The following NEB variants were observed in gnomAD, a reference collection of about 807,000 sequenced individuals.
NEB encodes nemaline myopathy type 2.
Under a neutral mutation model 952.2 loss-of-function variants are expected in NEB, and 512 were observed. That is an observed-to-expected ratio of 0.54 (90% CI 0.50 to 0.58). The LOEUF (loss-of-function observed/expected upper bound fraction) is 0.58. Among genes scored for constraint, NEB ranks in the 20% least tolerant of loss-of-function variants. The pLI is 0.00. For synonymous variants in NEB, 2,900 were observed against 3,149.8 expected, an observed-to-expected ratio of 0.92 and a Z score of 2.66; for missense variants, 8,428 against 9,231.1, an observed-to-expected ratio of 0.91 and a Z score of 3.56.
chr2:151,557,478 A>G (rs1285640323), intron 124 of NEB, among the ~76,000 whole-genome samples: 2 of 152,226 alleles, frequency 1.3e-5, no homozygotes, highest in East Asian at 3.8e-4. Context: ...AAACTATTCC[A>G]AACAACAGAA....
At chr2:151,507,970 C>T (rs2153217101) in intron 162 of NEB, 35 bp downstream of exon 162, 6 of 1,489,384 alleles carry the variant, frequency 4.0e-6, no homozygotes, top group Non-Finnish European at 5.5e-6. Context: ...CCCTAGGTGC[C>T]TGTGGGCTGT....
intron 53 of NEB, 68 bp from the exon 54 acceptor site, chr2:151,650,447 T>C (rs2099018400): frequency 6.5e-7 from 1 of 1,544,982 alleles, no homozygotes; most frequent in Non-Finnish European, 8.9e-7. Context: ...AGTGATTCTA[T>C]GCATTACAAA....
rs1316065907 is a variant in NEB at position 151,630,945 on chromosome 2, C to T, written c.9619-126G>A. ...CCAGACTTGAATATAAAGTATTCTACTGGAAGTGTGAGTCTTATTACTAGT... is the reference window on the plus strand; with the variant it reads ...CCAGACTTGAATATAAAGTATTCTATTGGAAGTGTGAGTCTTATTACTAGT... On this transcript the variant is annotated intron_variant, in intron 66 of 181. Coordinates refer to ENST00000397345, the MANE Select transcript of NEB (RefSeq NM_001164508.2). 7 of 1,149,382 alleles carry T rather than the reference C, an allele frequency of 6.1e-6. No individual in the cohort carries two copies. The East Asian group carries it at 1.8e-4, about 29-fold the overall frequency. The allele number at this position is 1,149,382 out of a possible 1,614,324, so 71.2% of individuals were successfully genotyped here.
chr2:151,625,278 GTTGAC>G (rs1484121256), intron 71 of NEB, among the ~76,000 whole-genome samples: 1 of 152,102 alleles, frequency 6.6e-6, no homozygotes, highest in Non-Finnish European at 1.5e-5. Context: ...GTCATTAATA[GTTGAC>G]TTGAGATATT....
chr2:151,497,917 T>C, intron 170 of NEB, 199 bp from the exon 171 acceptor site: 3 of 1,470,536 alleles, frequency 2.0e-6, no homozygotes, highest in Non-Finnish European at 2.7e-6. Flanking sequence ...CTTCAGCTGC[T>C]GAGGAAGGGC....
At chr2:151,540,592 G>T in intron 137 of NEB, 105 bp downstream of exon 137, 2 of 1,157,524 alleles carry the variant, frequency 1.7e-6, no homozygotes, top group Non-Finnish European at 2.5e-6. Flanking sequence ...ATGATGCTGA[G>T]CACCATTTAT....
chr2:151,642,172 A>C (rs1204365467), intron 60 of NEB, among the ~76,000 whole-genome samples: 1 of 152,240 alleles, frequency 6.6e-6, no homozygotes, highest in African/African-American at 2.4e-5. Context: ...GGAATCGTTG[A>C]ACTTTGAGTA....
intron 172 of NEB, 41 bp from the exon 173 acceptor site, chr2:151,496,409 A>G: frequency 6.4e-7 from 1 of 1,567,954 alleles, no homozygotes; most frequent in Non-Finnish European, 8.7e-7. Flanking sequence ...ACCATGAGTA[A>G]CATTTCATTT....
chr2:151,549,858 C>T, intron 129 of NEB, 118 bp from the exon 130 acceptor site: 1 of 633,648 alleles, frequency 1.6e-6, no homozygotes, highest in Non-Finnish European at 2.9e-6. Context: ...TACACTTATG[C>T]TCACTGAATT....
At chr2:151,687,825 G>C (rs997996484) in intron 25 of NEB, 92 bp from the exon 26 acceptor site, 2 of 1,126,358 alleles carry the variant, frequency 1.8e-6, no homozygotes, top group Admixed American at 2.1e-5. Context: ...TGTATGTATA[G>C]ACTTATTTCT....
intron 135 of NEB, among the ~76,000 whole-genome samples, chr2:151,542,739 C>T (rs1021618555): frequency 7.2e-5 from 11 of 152,192 alleles, no homozygotes; most frequent in African/African-American, 2.2e-4. Flanking sequence ...GACCACCCCA[C>T]GTGAGTCACC....
chr2:151,710,944 GT>G (rs2099743279), intron 10 of NEB, among the ~76,000 whole-genome samples: 1 of 152,150 alleles, frequency 6.6e-6, no homozygotes, highest in African/African-American at 2.4e-5. Flanking sequence ...AACACTCCTA[GT>G]TTTCCAGAAA....
intron 77 of NEB, among the ~76,000 whole-genome samples, chr2:151,613,110 C>T (rs1160317242): frequency 3.3e-5 from 5 of 152,002 alleles, no homozygotes; most frequent in Non-Finnish European, 7.4e-5. Flanking sequence ...ACTGTCACTG[C>T]TTTTATCATT....
At chr2:151,670,266 C>T (rs1202172949) in intron 38 of NEB, among the ~76,000 whole-genome samples, 4 of 152,118 alleles carry the variant, frequency 2.6e-5, no homozygotes, top group African/African-American at 7.2e-5. Flanking sequence ...AAAGCATTTC[C>T]CCACCTTCCA....
At chr2:151,715,059 C>G (rs898514345) in intron 10 of NEB, among the ~76,000 whole-genome samples, 2 of 152,216 alleles carry the variant, frequency 1.3e-5, no homozygotes, top group Admixed American at 6.5e-5. Flanking sequence ...TGACCTTTTT[C>G]CACAGCCACC....
At chr2:151,495,002 A>AT (rs1191046185) in intron 173 of NEB, 1 of 152,248 alleles carries the variant, frequency 6.6e-6, no homozygotes, top group Non-Finnish European at 1.5e-5. Flanking sequence ...TCTCATAGAC[A>AT]TATCAGTAAA....
rs1238378621 is a variant in NEB, at chr2:151,669,089, T to C, written c.4549A>G (p.Thr1517Ala). The C allele has an allele frequency of 2.5e-6, 4 of 1,592,862 alleles. No individual in the cohort carries two copies. Among genetic ancestry groups the C allele is most frequent in the African/African-American group, 2.7e-5 (2 of 74,630 alleles). The change falls in exon 39 of 182, where the codon ACT (threonine) becomes GCT (alanine). Residue 1517 changes from threonine (T) to alanine (A), a missense_variant. By Grantham distance (58) the Thr-to-Ala change is moderately conservative. Transcript: ENST00000397345. ...AACTGAGGCAATTCAGGGTCAATAG[T>C]ATACTTGTGCTTCAGTTTCTCTCCC... Reference protein sequence around the residue: ...VEGEKLKHKYTIDPELPQFIQ... With the variant: ...VEGEKLKHKYAIDPELPQFIQ...
chr2:151,682,236 G>A (rs969314919), intron 29 of NEB, among the ~76,000 whole-genome samples: 7 of 152,044 alleles, frequency 4.6e-5, no homozygotes, highest in Non-Finnish European at 8.8e-5. Context: ...AAACTTTTTG[G>A]GGTATTGCAG....
intron 4 of NEB, among the ~76,000 whole-genome samples, chr2:151,728,530 T>C (rs767370726): frequency 2.0e-5 from 3 of 152,186 alleles, no homozygotes; most frequent in Non-Finnish European, 4.4e-5. Flanking sequence ...CACTAATAAA[T>C]GCTTAGGTGG....
Sources: allele counts gnomAD v4.1 joint callset (sites outside exome capture counted in the v4.1 genomes callset), GRCh38; gene constraint gnomAD v4.1.1; transcripts MANE v1.5; gene names NCBI Gene and HGNC (gene_info 2026-07-23, HGNC 2026-07-21).